The following VAV2 variants were observed in gnomAD, a reference collection of about 807,000 sequenced individuals.
The protein encoded by VAV2 is vav guanine nucleotide exchange factor 2.
Under a neutral mutation model 132.5 loss-of-function variants are expected in VAV2, and 67 were observed. That is an observed-to-expected ratio of 0.51 (90% CI 0.42 to 0.62). The LOEUF (loss-of-function observed/expected upper bound fraction) is 0.62, where lower values mean the gene tolerates loss of function less well. Among genes scored for constraint, VAV2 ranks in the 20% least tolerant of loss-of-function variants. The pLI, the probability that VAV2 is intolerant of heterozygous loss-of-function variation, is 0.00. For synonymous variants in VAV2, 492 were observed against 443.5 expected (o/e 1.11, Z -1.37); for missense variants, 938 against 1,153.6 (o/e 0.81, Z 2.71).
At chr9:133,792,112 T>C (rs75443864) in intron 12 of VAV2, among the ~76,000 whole-genome samples, 1 of 126,990 alleles carries the variant, frequency 7.9e-6, no homozygotes, top group African/African-American at 3.1e-5. Flanking sequence ...GGCTGTACTG[T>C]GTGGGGTGTG....
chr9:133,983,032 G>C (rs1231801736), intron 1 of VAV2, among the ~76,000 whole-genome samples: 1 of 152,166 alleles, frequency 6.6e-6, no homozygotes, highest in Non-Finnish European at 1.5e-5. Context: ...GGAGAGAGAC[G>C]GCAGTGGCCG....
intron 1 of VAV2, among the ~76,000 whole-genome samples, chr9:133,967,933 C>CAAA (rs34152925): frequency 1.3e-3 from 95 of 71,322 alleles, no homozygotes; most frequent in African/African-American, 1.8e-3. Flanking sequence ...ACTCTATAAC[C>CAAA]AAAAAAAAAA....
At chr9:133,890,262 C>A (rs1194768108) in intron 2 of VAV2, among the ~76,000 whole-genome samples, 1 of 151,178 alleles carries the variant, frequency 6.6e-6, no homozygotes, top group Non-Finnish European at 1.5e-5. Flanking sequence ...GGAGCCAGAA[C>A]TCGGCTCCAC....
chr9:133,986,242 G>A (rs1354863805), intron 1 of VAV2, among the ~76,000 whole-genome samples: 2 of 152,218 alleles, frequency 1.3e-5, no homozygotes, highest in African/African-American at 4.8e-5. Flanking sequence ...CAAGAAGGAT[G>A]CAGCGTGGAG....
intron 20 of VAV2, 158 bp from the exon 21 acceptor site, chr9:133,780,097 G>T: frequency 1.1e-6 from 1 of 942,242 alleles, no homozygotes; most frequent in Non-Finnish European, 1.6e-6. Flanking sequence ...CCTATGGGAC[G>T]CCCCCACCCT....
intron 1 of VAV2, among the ~76,000 whole-genome samples, chr9:133,976,161 G>A (rs540639108): frequency 3.3e-5 from 5 of 152,002 alleles, no homozygotes; most frequent in Admixed American, 6.5e-5. Context: ...AGCGGAGATC[G>A]CACCACTGCA....
chr9:133,860,683 C>A (rs116563864), intron 3 of VAV2, among the ~76,000 whole-genome samples: 4,485 of 152,232 alleles, frequency 0.029, 199 homozygotes, highest in African/African-American at 0.1. Context: ...ACCCTGCTGG[C>A]CCCTGTCCTC....
chr9:133,781,506 C>T (rs1228889631), intron 19 of VAV2, among the ~76,000 whole-genome samples: 2 of 152,098 alleles, frequency 1.3e-5, no homozygotes, highest in East Asian at 1.9e-4. Flanking sequence ...GGCAGCTGGA[C>T]GGCAGCAATG....
At chr9:133,806,305 G>GCC in intron 8 of VAV2, 124 bp from the exon 9 acceptor site, 1 of 810,830 alleles carries the variant, frequency 1.2e-6, no homozygotes, top group Non-Finnish European at 2.0e-6. Flanking sequence ...CGGGTGCTGG[G>GCC]CCTGCACCCC....
At chr9:133,831,977 G>A (rs1048136569) in intron 4 of VAV2, among the ~76,000 whole-genome samples, 3 of 152,188 alleles carry the variant, frequency 2.0e-5, no homozygotes, top group Admixed American at 6.5e-5. Flanking sequence ...TTGAGGGTGG[G>A]GGATTTGAGG....
chr9:133,924,375 TG>T (rs1840399084), intron 2 of VAV2, among the ~76,000 whole-genome samples: 1 of 152,112 alleles, frequency 6.6e-6, no homozygotes, highest in African/African-American at 2.4e-5. Context: ...TTAGTAGAGA[TG>T]GGGTTTTGCC....
intron 1 of VAV2, among the ~76,000 whole-genome samples, chr9:133,948,342 A>G (rs1053106991): frequency 6.6e-6 from 1 of 152,218 alleles, no homozygotes. Context: ...GCCTTTGCGC[A>G]TGGCCTCGCA....
rs945279042 is a variant in VAV2 at position 133,823,105 on chromosome 9, G to A, written c.450-10889C>T. On this transcript the variant is annotated intron_variant, in intron 4 of 29. Transcript: ENST00000371850. The surrounding 1 kb of genome is among the most constrained non-coding windows in gnomAD (Gnocchi z 5.5). ...GCTCAGATCCTCCAGTATGGGAATC[G>A]TGAATGCTCTCGGGACCTCATTATC... Among the ~76,000 whole-genome samples the A allele has an allele frequency of 2.6e-5, 4 of 152,228 alleles. No individual in the cohort carries two copies. The highest frequency in any genetic ancestry group is 5.9e-5 in the Non-Finnish European group (4 of 68,040).
intron 2 of VAV2, among the ~76,000 whole-genome samples, chr9:133,899,111 G>A (rs2262143): frequency 0.92 from 138,849 of 151,716 alleles, 64,419 homozygotes; most frequent in East Asian, 1. Context: ...GTGAGCCACC[G>A]CGCCAGGCCC....
chr9:133,806,823 G>A (rs1389180173), intron 8 of VAV2, among the ~76,000 whole-genome samples: 4 of 152,222 alleles, frequency 2.6e-5, no homozygotes, highest in African/African-American at 7.2e-5. Context: ...CACGGCTGCC[G>A]GAGCCTGGTG....
intron 4 of VAV2, among the ~76,000 whole-genome samples, chr9:133,831,762 T>G (rs114081368): frequency 6.6e-6 from 1 of 152,198 alleles, no homozygotes; most frequent in African/African-American, 2.4e-5. Context: ...TTAGGAGAAA[T>G]AGCAGGTCAG....
At chr9:133,848,749 C>T (rs1426973225) in intron 3 of VAV2, among the ~76,000 whole-genome samples, 1 of 152,216 alleles carries the variant, frequency 6.6e-6, no homozygotes, top group African/African-American at 2.4e-5. Flanking sequence ...AGCTCTGGGC[C>T]CAGGCAGGCT....
intron 2 of VAV2, among the ~76,000 whole-genome samples, chr9:133,922,600 G>A: frequency 6.6e-6 from 1 of 152,220 alleles, no homozygotes; most frequent in East Asian, 1.9e-4. Flanking sequence ...CAGTGGGAAA[G>A]AATCATCGTT....
chr9:133,916,115 G>A (rs1023930561), intron 2 of VAV2, among the ~76,000 whole-genome samples: 3 of 152,246 alleles, frequency 2.0e-5, no homozygotes, highest in Admixed American at 6.5e-5. Context: ...AGGAAGCCTG[G>A]CAGGAAACGG....
Sources: allele counts gnomAD v4.1 joint callset (sites outside exome capture counted in the v4.1 genomes callset), GRCh38; gene constraint gnomAD v4.1.1; non-coding constraint Gnocchi (gnomAD v3.1); transcripts MANE v1.5; gene names NCBI Gene and HGNC (gene_info 2026-07-23, HGNC 2026-07-21).